TMEM26: variants seen among roughly 807,000 people sequenced by gnomAD.
The protein encoded by TMEM26 is transmembrane protein 26.
In TMEM26, 38 loss-of-function variants were observed where a neutral mutation model predicts 28.8. The ratio of observed to expected loss-of-function variants is 1.32; its 90% CI spans 1.02 to 1.73. The LOEUF (loss-of-function observed/expected upper bound fraction) is 1.73, where lower values mean the gene tolerates loss of function less well. TMEM26 is among the 40% of genes most tolerant of loss of function. The probability of loss-of-function intolerance (pLI) is 0.00; values close to 1 mark genes in which losing one functional copy is unlikely to be tolerated. For missense variants in TMEM26, 518 were observed against 447.1 expected (o/e 1.16, Z -1.43); for synonymous variants, 227 against 182.9 (o/e 1.24, Z -1.95).
chr10:61,434,565 C>T (rs1839972426), intron 2 of TMEM26, among the ~76,000 whole-genome samples: 1 of 152,146 alleles, frequency 6.6e-6, no homozygotes, highest in South Asian at 2.1e-4. Context: ...AAACAGTCCC[C>T]TAACTCCTTC....
At chr10:61,414,760 C>T (rs1388413743) in intron 4 of TMEM26, 1 of 155,562 alleles carries the variant, frequency 6.4e-6, no homozygotes, top group African/African-American at 2.4e-5. Context: ...AGCACAGGTC[C>T]TCTGAGAAAA....
intron 4 of TMEM26, among the ~76,000 whole-genome samples, chr10:61,419,335 G>C (rs1839705248): frequency 1.3e-5 from 2 of 152,040 alleles, no homozygotes; most frequent in South Asian, 4.2e-4. Flanking sequence ...CTCTACTGAG[G>C]TCCAGATATT....
rs114404590 is a variant in TMEM26, at chr10:61,420,853, A to G, written c.606-7318T>C. On this transcript the variant is annotated intron_variant, in intron 4 of 5. Transcript: ENST00000399298. Reference sequence around the variant, plus strand: ...AAATCCACATGGAGAAATGAAGTGCATGAAAATGATAAATGTATGGGAAAT... The same window carrying G: ...AAATCCACATGGAGAAATGAAGTGCGTGAAAATGATAAATGTATGGGAAAT... 6.9e-3 allele frequency among the ~76,000 whole-genome samples: 1,056 copies of G among 152,216 alleles called. 11 individuals carry two copies. Among genetic ancestry groups the G allele is most frequent in the African/African-American group, 0.024 (988 of 41,548 alleles).
intron 1 of TMEM26, among the ~76,000 whole-genome samples, chr10:61,445,715 A>G (rs151268261): frequency 6.2e-4 from 94 of 152,310 alleles, no homozygotes; most frequent in African/African-American, 2.2e-3. Context: ...TATTTTTAAC[A>G]AAACATTTTA....
Position 61,407,137 on chromosome 10 carries a change from A to C in TMEM26, c.*3185T>G, listed in dbSNP as rs994770517. The C allele has an allele frequency of 1.3e-5, 2 of 152,172 alleles. No individual in the cohort carries two copies. The highest frequency in any genetic ancestry group is 4.8e-5 in the African/African-American group (2 of 41,448). 9.4% of individuals were successfully genotyped at this position (152,172 alleles called of 1,614,324 possible). On this transcript the variant is annotated 3_prime_UTR_variant, in exon 6 of 6. Transcript: ENST00000399298. ...TCTCCTGTAACAGGAAAAGTTGGTT[A>C]AGAATTATCAAGAATTAAATACCAA...
rs1839553176 is a variant in TMEM26, at chr10:61,410,575, A to G, written c.854T>C (p.Met285Thr). The G allele has an allele frequency of 6.2e-7, 1 of 1,614,026 alleles. No individual in the cohort carries two copies. The highest frequency in any genetic ancestry group is 2.2e-5 in the East Asian group (1 of 44,868). ...LMTYFKVINQ[M>T]LVFFAAKNFL... ...GTTCTTCGCGGCAAAGAACACCAGC[A>G]TCTGATTGATCACTTTGAAATAGGT... Residue 285 changes from methionine (M) to threonine (T), a missense_variant, in exon 6 of 6, where the codon ATG becomes ACG. Met to Thr is a moderately conservative substitution (Grantham distance 81, BLOSUM62 -1). Transcript: ENST00000399298.
At chr10:61,418,431 A>T in intron 4 of TMEM26, among the ~76,000 whole-genome samples, 1 of 152,062 alleles carries the variant, frequency 6.6e-6, no homozygotes, top group Non-Finnish European at 1.5e-5. Flanking sequence ...AGGCTGGGAA[A>T]TTTACATTTC....
At chr10:61,420,867 T>C (rs1049946679) in intron 4 of TMEM26, among the ~76,000 whole-genome samples, 19 of 151,974 alleles carry the variant, frequency 1.3e-4, no homozygotes, top group African/African-American at 4.6e-4. Context: ...AAATGATAAA[T>C]GTATGGGAAA....
intron 5 of TMEM26, chr10:61,413,024 T>C: frequency 8.4e-7 from 1 of 1,186,268 alleles, no homozygotes; most frequent in Non-Finnish European, 1.1e-6. Flanking sequence ...AAATTACTTC[T>C]TACAAATAAT....
chr10:61,410,537 C>A lies in TMEM26; in HGVS notation c.892G>T (p.Val298Leu), dbSNP rs771412504. 1.9e-6 allele frequency: 3 copies of A among 1,613,984 alleles called. No homozygotes were observed. The highest frequency in any genetic ancestry group is 2.7e-5 in the African/African-American group (2 of 74,884). ...ACCACCAAGCGGTAGAGTTGCAACA[C>A]CACCACGAGGAAGTTCTTCGCGGCA... ...FFAAKNFLVV[V>L]LQLYRLVVLA... is the part of the protein sequence containing the mutation. Residue 298 changes from valine (V) to leucine (L), a missense_variant, in exon 6 of 6, where the codon GTG becomes TTG. Physicochemically the swap from Val to Leu is conservative, Grantham distance 32 (BLOSUM62 1). Transcript: ENST00000399298.
intron 5 of TMEM26, among the ~76,000 whole-genome samples, chr10:61,411,023 A>C (rs1207998712): frequency 6.6e-6 from 1 of 152,200 alleles, no homozygotes; most frequent in Admixed American, 6.5e-5. Context: ...GGAGCCAGTC[A>C]TGGTCACAAG....
intron 1 of TMEM26, among the ~76,000 whole-genome samples, 154 bp from the exon 2 acceptor site, chr10:61,436,402 A>T (rs1840009755): frequency 6.6e-6 from 1 of 152,202 alleles, no homozygotes; most frequent in Non-Finnish European, 1.5e-5. Context: ...TTCAATGAAG[A>T]AAAAAGCATT....
chr10:61,411,467 G>C (rs190677159), intron 5 of TMEM26, among the ~76,000 whole-genome samples: 8 of 152,292 alleles, frequency 5.3e-5, no homozygotes, highest in Admixed American at 1.3e-4. Flanking sequence ...CTGCCTGTTT[G>C]TTGGTTTACA....
intron 2 of TMEM26, among the ~76,000 whole-genome samples, chr10:61,434,421 T>C (rs902232355): frequency 6.6e-6 from 1 of 152,174 alleles, no homozygotes; most frequent in East Asian, 1.9e-4. Context: ...TATAAAAGCA[T>C]TTAGGGAAAT....
chr10:61,444,490 T>C (rs1840146107), intron 1 of TMEM26, among the ~76,000 whole-genome samples: 1 of 152,044 alleles, frequency 6.6e-6, no homozygotes, highest in South Asian at 2.1e-4. Flanking sequence ...CCCCCTTTTC[T>C]CCCTTTTATG....
chr10:61,439,048 T>C (rs946438642), intron 1 of TMEM26, among the ~76,000 whole-genome samples: 3 of 152,190 alleles, frequency 2.0e-5, no homozygotes, highest in African/African-American at 7.2e-5. Flanking sequence ...TGCTCTCTGC[T>C]CTTTTAGTTT....
chr10:61,412,968 C>T (rs1839591982), intron 5 of TMEM26: 17 of 1,285,968 alleles, frequency 1.3e-5, no homozygotes, highest in Non-Finnish European at 1.7e-5. Context: ...TTTAACTGCT[C>T]CTATGTCTTC....
chr10:61,436,258 G>T lies in TMEM26; in HGVS notation c.192-10C>A. The stretch of plus-strand genomic sequence containing the variant: ...TATGGCTGGTGAAAACCTGTGAAAA[G>T]AGAGAAGAAAAAATAGTTTAGCTAA... On this transcript the variant is annotated splice_polypyrimidine_tract_variant and intron_variant, in intron 1 of 5. Coordinates refer to ENST00000399298, the MANE Select transcript of TMEM26 (RefSeq NM_178505.8). 1 of 1,518,946 alleles carries T rather than the reference G, an allele frequency of 6.6e-7. No homozygotes were observed. The highest frequency in any genetic ancestry group is 8.9e-7 in the Non-Finnish European group (1 of 1,125,742). The allele number at this position is 1,518,946 out of a possible 1,614,324, so 94.1% of individuals were successfully genotyped here. A position where few individuals can be genotyped will look rare whatever the true frequency, so the allele number is the denominator to read the frequency against.
intron 1 of TMEM26, among the ~76,000 whole-genome samples, chr10:61,451,883 AT>A (rs979719552): frequency 6.6e-6 from 1 of 151,672 alleles, no homozygotes; most frequent in Non-Finnish European, 1.5e-5. Context: ...GGGTTGTTTC[AT>A]TTTTTTTGAA....
Sources: gnomAD v4.1 joint callset for allele counts (sites outside exome capture counted in the v4.1 genomes callset) on GRCh38, gnomAD v4.1.1 for gene constraint, MANE v1.5 for transcripts, NCBI Gene and HGNC (gene_info 2026-07-23, HGNC 2026-07-21) for gene names.